Variants in SUN2 observed in about 807,000 individuals in gnomAD.
SUN2 encodes SUN domain-containing protein 2.
In SUN2, 60 loss-of-function variants were observed where a neutral mutation model predicts 100.0. The observed-to-expected ratio is 0.60, with a 90% confidence interval of 0.49 to 0.74. The LOEUF is 0.74. SUN2 is among the 30% of genes least tolerant of loss of function. SUN2 has a pLI of 0.00. For missense variants in SUN2, 834 were observed against 954.6 expected, an observed-to-expected ratio of 0.87 and a Z score of 1.66; for synonymous variants, 367 against 403.3, an observed-to-expected ratio of 0.91 and a Z score of 1.08.
At position 38,750,426 on chromosome 22, in the gene SUN2, CCACAGCCCCA is replaced by C. The variant is rs1398928718; in HGVS notation, c.425-116_425-107del. ...AAGTCACCCACCCTCCTTCACATCCCCACAGCCCCACACAGGCCCGGTGTGCAGTAAGGAA... is the reference window on the plus strand; with the variant it reads ...AAGTCACCCACCCTCCTTCACATCCCCACAGGCCCGGTGTGCAGTAAGGAA... On this transcript the variant is annotated intron_variant, in intron 4 of 17. Coordinates refer to ENST00000689035, the MANE Select transcript of SUN2 (RefSeq NM_015374.3). 10 of 1,545,232 alleles carry C rather than the reference CCACAGCCCCA, an allele frequency of 6.5e-6. No homozygotes were observed. In the Admixed American group the frequency reaches 1.4e-4, roughly 21 times the overall value.
At chr22:38,753,687 G>A (rs376230997) in intron 1 of SUN2, among the ~76,000 whole-genome samples, 1 of 152,192 alleles carries the variant, frequency 6.6e-6, no homozygotes, top group East Asian at 1.9e-4. Flanking sequence ...CTGGGACCGG[G>A]CTCCTTGTAT....
At chr22:38,753,535 T>C (rs1208907029) in intron 1 of SUN2, among the ~76,000 whole-genome samples, 2 of 152,156 alleles carry the variant, frequency 1.3e-5, no homozygotes, top group Non-Finnish European at 2.9e-5. Flanking sequence ...TTTCTTTTCT[T>C]TTCTTTTAAT....
chr22:38,751,371 G>T lies in SUN2; in HGVS notation c.125C>A (p.Thr42Asn), dbSNP rs751552338. Residue 42 changes from threonine to asparagine, a missense_variant and splice_region_variant, in exon 3 of 18, where the codon ACC becomes AAC. By Grantham distance (65) the Thr-to-Asn change is moderately conservative. Transcript: ENST00000689035. Reference sequence around the variant, plus strand: ...CATGTTGCTGGATTTCCTCTTCAAGGTCCTGTGGGACAACCATGAGGGCAG... The same window carrying T: ...CATGTTGCTGGATTTCCTCTTCAAGTTCCTGTGGGACAACCATGAGGGCAG... The part of the protein sequence containing the change: ...STLFKDSPLR[T>N]LKRKSSNMKR... 1.9e-6 allele frequency: 3 copies of T among 1,613,440 alleles called. No individual in the cohort carries two copies. The South Asian group carries it at 3.3e-5, about 18-fold the overall frequency.
rs2092816091 is a variant in SUN2, at chr22:38,737,436, C to A, written c.2040+737G>T. Among the ~76,000 whole-genome samples, 1 of 152,198 alleles carries A rather than the reference C, an allele frequency of 6.6e-6. No homozygotes were observed. The highest frequency in any genetic ancestry group is 2.4e-5 in the African/African-American group (1 of 41,444). On this transcript the variant is annotated intron_variant, in intron 17 of 17. Transcript: ENST00000689035. This position sits in a 1 kb window ranked among gnomAD's most constrained non-coding sequence, Gnocchi z 4.1. ...CCTGTTCTGGCTGCTTTCCCTCAAC[C>A]ACTTCCTGACGGGTCTCCCAGGCCC...
intron 1 of SUN2, among the ~76,000 whole-genome samples, chr22:38,752,878 C>T (rs1478502162): frequency 1.3e-5 from 2 of 152,154 alleles, no homozygotes; most frequent in Admixed American, 6.5e-5. Flanking sequence ...GAGTCACGCC[C>T]GGCCTGGGGC....
intron 7 of SUN2, among the ~76,000 whole-genome samples, chr22:38,746,241 A>AGTTT (rs1315373586): frequency 5.9e-5 from 9 of 151,984 alleles, no homozygotes; most frequent in Non-Finnish European, 1.2e-4. Context: ...TGCGTAGGTG[A>AGTTT]GTTTGTAAAG....
Position 38,750,304 on chromosome 22 carries a change from G to T in SUN2, c.441C>A (p.Asp147Glu). The T allele has an allele frequency of 6.2e-7, 1 of 1,613,932 alleles. No individual in the cohort carries two copies. The highest frequency in any genetic ancestry group is 8.5e-7 in the Non-Finnish European group (1 of 1,180,028). Residue 147 changes from aspartate to glutamate, a missense_variant, in exon 5 of 18, where the codon GAC becomes GAA. Transcript: ENST00000689035. ...EDDYVGYSDV[D>E]QQSSSSRLRS... ...GGAGCCGCGAGCTGGAACTCTGCTGGTCCACATCCGAGTAGCCTGCGGGGA... is the reference window on the plus strand; with the variant it reads ...GGAGCCGCGAGCTGGAACTCTGCTGTTCCACATCCGAGTAGCCTGCGGGGA...
In SUN2 at chr22:38,749,762, T is replaced by C. The variant is rs2092929861; in HGVS notation, c.614+4A>G. The C allele has an allele frequency of 6.2e-7, 1 of 1,613,872 alleles. No individual in the cohort carries two copies. Among genetic ancestry groups the C allele is most frequent in the Non-Finnish European group, 8.5e-7 (1 of 1,179,950 alleles). On this transcript the variant is annotated splice_donor_region_variant and intron_variant, in intron 6 of 17. Coordinates refer to ENST00000689035, the MANE Select transcript of SUN2 (RefSeq NM_015374.3). ...TTTATTGGCAAGGGTGGAGTCTCGCTCACCTGGTTAAAACGAAGACGTCAA... is the reference window on the plus strand; with the variant it reads ...TTTATTGGCAAGGGTGGAGTCTCGCCCACCTGGTTAAAACGAAGACGTCAA...
Position 38,738,763 on chromosome 22 carries a change from G to A in SUN2, c.1780-9C>T. On this transcript the variant is annotated splice_polypyrimidine_tract_variant and intron_variant, in intron 15 of 17. Transcript: ENST00000689035. The surrounding 1 kb of genome is among the most constrained non-coding windows in gnomAD (Gnocchi z 6.6). ...CCTGGGTGCACATCTGGCTGGAGGA[G>A]CAGAAAGTCATGTCAGGACAGGGCC... 6.2e-7 allele frequency: 1 copy of A among 1,612,672 alleles called. No individual in the cohort carries two copies. Among genetic ancestry groups the A allele is most frequent in the Non-Finnish European group, 8.5e-7 (1 of 1,179,418 alleles).
chr22:38,736,336 C>A lies in SUN2; in HGVS notation c.2085G>T (p.Leu695=). 1 of 1,613,996 alleles carries A rather than the reference C, an allele frequency of 6.2e-7. No homozygotes were observed. The highest frequency in any genetic ancestry group is 1.1e-5 in the South Asian group (1 of 91,070). Reference sequence around the variant, plus strand: ...TGTACTCGGGGTGGCCCCAGTTAGTCAGGATCCGCAGCTCCACCACCTGGT... The same window carrying A: ...TGTACTCGGGGTGGCCCCAGTTAGTAAGGATCCGCAGCTCCACCACCTGGT... ...ATYQVVELRI[L]TNWGHPEYTC... Residue 695 remains leucine (L), a synonymous_variant, in exon 18 of 18, where the codon CTG becomes CTT. Coordinates refer to ENST00000689035, the MANE Select transcript of SUN2 (RefSeq NM_015374.3).
rs2092973289 is a variant in SUN2, at chr22:38,754,821, C to G, written c.-38+942G>C. 3 of 1,286,056 alleles carry G rather than the reference C, an allele frequency of 2.3e-6. No homozygotes were observed. The Admixed American group carries it at 6.9e-5, about 30-fold the overall frequency. 79.7% of individuals were successfully genotyped at this position (1,286,056 alleles called of 1,614,324 possible). A position where few individuals can be genotyped will look rare whatever the true frequency, so the allele number is the denominator to read the frequency against. ...GGGAGTGCTGAAAACTGTCAGCACCCGCCTCCGCCCTCCCAGAACTCCCAG... is the reference window on the plus strand; with the variant it reads ...GGGAGTGCTGAAAACTGTCAGCACCGGCCTCCGCCCTCCCAGAACTCCCAG... On this transcript the variant is annotated intron_variant, in intron 1 of 17. Coordinates refer to ENST00000689035, the MANE Select transcript of SUN2 (RefSeq NM_015374.3).
chr22:38,737,021 A>AT lies in SUN2; in HGVS notation c.2041-642dup, dbSNP rs1336409493. 6.6e-6 allele frequency among the ~76,000 whole-genome samples: 1 copy of AT among 151,950 alleles called. No individual in the cohort carries two copies. Among genetic ancestry groups the AT allele is most frequent in the Non-Finnish European group, 1.5e-5 (1 of 67,968 alleles). On this transcript the variant is annotated intron_variant, in intron 17 of 17. Transcript: ENST00000689035. This position sits in a 1 kb window ranked among gnomAD's most constrained non-coding sequence, Gnocchi z 4.1. ...ACCACACCCGGCTAAATTTTTTAAC[A>AT]TTTTTTGTAGAGTCGGGATCTCGCT... is the stretch of plus-strand genomic sequence containing the variant.
chr22:38,742,334 C>T lies in SUN2; in HGVS notation c.1035G>A (p.Glu345=). Residue 345 remains glutamate (E), a synonymous_variant, in exon 9 of 18, where the codon GAG becomes GAA. Transcript: ENST00000689035. ...GAGCAGCAGTTTCCCTGCGGAAATCCTCCTTCAGGGCAGCTTCACGGCGGC... is the reference window on the plus strand; with the variant it reads ...GAGCAGCAGTTTCCCTGCGGAAATCTTCCTTCAGGGCAGCTTCACGGCGGC... ...LVSRREAALK[E]DFRRETAARI... is the part of the protein sequence containing the mutation. 2 of 1,606,638 alleles carry T rather than the reference C, an allele frequency of 1.2e-6. No individual in the cohort carries two copies. The highest frequency in any genetic ancestry group is 1.7e-5 in the Admixed American group (1 of 59,852).
rs1302609055 is a variant in SUN2 at position 38,737,602 on chromosome 22, C to T, written c.2040+571G>A. The stretch of plus-strand genomic sequence containing the variant: ...GCCTCCTCTTCCTGCCACTGTCCCT[C>T]GTCCACCTCCCACTATCCCGCCAAC... On this transcript the variant is annotated intron_variant, in intron 17 of 17. Transcript: ENST00000689035. The surrounding 1 kb of genome is among the most constrained non-coding windows in gnomAD (Gnocchi z 4.1). Among the ~76,000 whole-genome samples, 2 of 152,174 alleles carry T rather than the reference C, an allele frequency of 1.3e-5. No individual in the cohort carries two copies. The highest frequency in any genetic ancestry group is 1.5e-5 in the Non-Finnish European group (1 of 68,030).
In SUN2 at chr22:38,738,541, G is replaced by A; in HGVS notation, c.1947+46C>T. ...TGATCCTCAGTAGAGAGGCCCACAG[G>A]ATCCCCCTGCAGCCCCTCTGGCCCC... On this transcript the variant is annotated intron_variant, in intron 16 of 17. Transcript: ENST00000689035. This position sits in a 1 kb window ranked among gnomAD's most constrained non-coding sequence, Gnocchi z 6.6. 1.3e-6 allele frequency: 2 copies of A among 1,590,916 alleles called. No individual in the cohort carries two copies. The highest frequency in any genetic ancestry group is 1.7e-6 in the Non-Finnish European group (2 of 1,164,092).
intron 8 of SUN2, among the ~76,000 whole-genome samples, chr22:38,744,153 T>A (rs531124931): frequency 3.3e-5 from 5 of 149,976 alleles, no homozygotes; most frequent in Non-Finnish European, 7.4e-5. Flanking sequence ...GGCGGGAGAA[T>A]CGCTTGAACC....
rs1159199668 is a variant in SUN2 at position 38,737,850 on chromosome 22, G to A, written c.2040+323C>T. On this transcript the variant is annotated intron_variant, in intron 17 of 17. Coordinates refer to ENST00000689035, the MANE Select transcript of SUN2 (RefSeq NM_015374.3). The surrounding 1 kb of genome is among the most constrained non-coding windows in gnomAD (Gnocchi z 4.1). ...GCCATGGTAGAATGCCCGCGCCCTGGCATGTGCTGGCGGCGGCTCCTCGAA... is the reference window on the plus strand; with the variant it reads ...GCCATGGTAGAATGCCCGCGCCCTGACATGTGCTGGCGGCGGCTCCTCGAA... The A allele has an allele frequency of 2.0e-5, 11 of 545,578 alleles. No individual in the cohort carries two copies. In the East Asian group the frequency reaches 5.3e-4, roughly 26 times the overall value. The allele number at this position is 545,578 out of a possible 1,614,324, so 33.8% of individuals were successfully genotyped here. A position where few individuals can be genotyped will look rare whatever the true frequency, so the allele number is the denominator to read the frequency against.
At position 38,752,512 on chromosome 22, in the gene SUN2, A is replaced by C; in HGVS notation, c.117T>G (p.Pro39=). Residue 39 remains proline (P), a synonymous_variant, in exon 2 of 18, where the codon CCT becomes CCG. Transcript: ENST00000689035. ...GSQSTLFKDS[P]LRTLKRKSSN... ...GCACTCCCTTGGGTCCCTACCTGAG[A>C]GGACTGTCTTTAAACAGGGTGCTCT... is the stretch of plus-strand genomic sequence containing the variant. 1 of 1,611,012 alleles carries C rather than the reference A, an allele frequency of 6.2e-7. No homozygotes were observed. Among genetic ancestry groups the C allele is most frequent in the Non-Finnish European group, 8.5e-7 (1 of 1,177,598 alleles).
rs2092978391 is a variant in SUN2 at position 38,755,476 on chromosome 22, T to C, written c.-38+287A>G. ...CCCGTAGGCGCTGCCCGGGGCCGGG[T>C]TGGGGCAGTCGGCCTTTGCCCTCCT... is the stretch of plus-strand genomic sequence containing the variant. On this transcript the variant is annotated intron_variant, in intron 1 of 17. Coordinates refer to ENST00000689035, the MANE Select transcript of SUN2 (RefSeq NM_015374.3). The surrounding 1 kb of genome is among the most constrained non-coding windows in gnomAD (Gnocchi z 5.7). 2.0e-6 allele frequency: 2 copies of C among 988,244 alleles called. No homozygotes were observed. Among genetic ancestry groups the C allele is most frequent in the East Asian group, 1.1e-4 (1 of 8,856 alleles). 61.2% of individuals were successfully genotyped at this position (988,244 alleles called of 1,614,324 possible). A position where few individuals can be genotyped will look rare whatever the true frequency, so the allele number is the denominator to read the frequency against.
Sources: gnomAD v4.1 joint callset for allele counts (sites outside exome capture counted in the v4.1 genomes callset) on GRCh38, gnomAD v4.1.1 for gene constraint, Gnocchi (gnomAD v3.1) non-coding constraint, MANE v1.5 for transcripts, NCBI Gene and HGNC (gene_info 2026-07-23, HGNC 2026-07-21) for gene names.